ATP8A2: variants seen among roughly 807,000 people sequenced by gnomAD.
The protein encoded by ATP8A2 is phospholipid-transporting ATPase IB.
Under a neutral mutation model 165.6 loss-of-function variants are expected in ATP8A2, and 100 were observed. The ratio of observed to expected loss-of-function variants is 0.60; its 90% confidence interval spans 0.51 to 0.71. The LOEUF is 0.71. ATP8A2 is among the 30% of genes least tolerant of loss of function. The probability of loss-of-function intolerance (pLI) is 0.00; values close to 1 mark genes in which losing one functional copy is unlikely to be tolerated. For synonymous variants in ATP8A2, 543 were observed against 548.8 expected (o/e 0.99, Z 0.15); for missense variants, 1,227 against 1,479.5 (o/e 0.83, Z 2.80).
rs772659534 is a variant in ATP8A2 at position 26,022,233 on chromosome 13, A to G, written c.*2248A>G. The G allele has an allele frequency of 6.6e-6, 1 of 152,248 alleles. No homozygotes were observed. Among genetic ancestry groups the G allele is most frequent in the Non-Finnish European group, 1.5e-5 (1 of 68,040 alleles). 9.4% of individuals were successfully genotyped at this position (152,248 alleles called of 1,614,324 possible). ...ATACAGAGGAGAAACGAAAACTGGAATTGAATGTGCATTAGGCATCTTAAC... is the reference window on the plus strand; with the variant it reads ...ATACAGAGGAGAAACGAAAACTGGAGTTGAATGTGCATTAGGCATCTTAAC... On this transcript the variant is annotated 3_prime_UTR_variant, in exon 37 of 37. Transcript: ENST00000381655.
intron 24 of ATP8A2, among the ~76,000 whole-genome samples, chr13:25,603,245 T>A (rs773250034): frequency 2.0e-5 from 3 of 152,016 alleles, no homozygotes; most frequent in African/African-American, 2.4e-5. Flanking sequence ...CCCAGCAGTT[T>A]GGGAGGCCAG....
intron 13 of ATP8A2, among the ~76,000 whole-genome samples, 181 bp from the exon 14 acceptor site, chr13:25,558,792 G>A (rs950359084): frequency 4.6e-5 from 7 of 152,328 alleles, no homozygotes; most frequent in Non-Finnish European, 8.8e-5. Context: ...AGTTATGGAA[G>A]AAGGTTTGTA....
At chr13:25,522,737 C>G (rs995381936) in intron 2 of ATP8A2, among the ~76,000 whole-genome samples, 4 of 152,162 alleles carry the variant, frequency 2.6e-5, no homozygotes, top group Admixed American at 2.0e-4. Flanking sequence ...GTTGAACCAT[C>G]CTTACATCCC....
intron 2 of ATP8A2, among the ~76,000 whole-genome samples, chr13:25,515,307 A>G (rs1396987351): frequency 6.6e-6 from 1 of 152,244 alleles, no homozygotes; most frequent in African/African-American, 2.4e-5. Flanking sequence ...TCCTTATCAT[A>G]AATCTCTATA....
chr13:25,666,381 T>TTG, intron 24 of ATP8A2, among the ~76,000 whole-genome samples: 1 of 147,038 alleles, frequency 6.8e-6, no homozygotes, highest in Non-Finnish European at 1.5e-5. Context: ...GGCTAATTTT[T>TTG]TGTGTGTGTG....
chr13:25,877,412 A>T (rs953591346), intron 33 of ATP8A2, among the ~76,000 whole-genome samples: 1 of 152,210 alleles, frequency 6.6e-6, no homozygotes, highest in Non-Finnish European at 1.5e-5. Context: ...ATCATGGAAC[A>T]TCTGACTCAT....
In ATP8A2 at chr13:25,699,247, G is replaced by T. The variant is rs6491088; in HGVS notation, c.2286G>T (p.Leu762=). ...TGGGCAAGGAAAATGACGTGGCCCT[G>T]ATCATCGATGGCCACACCCTGAAGT... ...NLLGKENDVA[L]IIDGHTLKYA... is the part of the protein sequence containing the mutation. Residue 762 remains leucine, a synonymous_variant, in exon 25 of 37, where the codon CTG becomes CTT. Coordinates refer to ENST00000381655, the MANE Select transcript of ATP8A2 (RefSeq NM_016529.6). 1.2e-6 allele frequency: 2 copies of T among 1,613,484 alleles called. No homozygotes were observed. The highest frequency in any genetic ancestry group is 3.3e-5 in the Admixed American group (2 of 59,980).
chr13:25,454,513 A>G (rs2035310649), intron 1 of ATP8A2, among the ~76,000 whole-genome samples: 1 of 152,154 alleles, frequency 6.6e-6, no homozygotes. Context: ...TGGCTGTGAC[A>G]GAAACGAGAG....
At chr13:25,577,165 A>G (rs1282098636) in intron 20 of ATP8A2, 27 bp downstream of exon 20, 5 of 1,600,324 alleles carry the variant, frequency 3.1e-6, no homozygotes, top group African/African-American at 2.7e-5. Flanking sequence ...CGTTGTGCGT[A>G]GCGGAGTTCT....
intron 27 of ATP8A2, among the ~76,000 whole-genome samples, chr13:25,815,550 T>C (rs112258383): frequency 0.022 from 3,280 of 152,148 alleles, 109 homozygotes; most frequent in African/African-American, 0.075. Context: ...AGTTACAGAG[T>C]ATGTAGATAA....
At chr13:25,941,198 C>G (rs897970375) in intron 33 of ATP8A2, among the ~76,000 whole-genome samples, 2 of 152,140 alleles carry the variant, frequency 1.3e-5, no homozygotes, top group South Asian at 2.1e-4. Flanking sequence ...CCATCTGGCT[C>G]TTGCTTGACT....
At chr13:25,637,102 A>G (rs2041388927) in intron 24 of ATP8A2, among the ~76,000 whole-genome samples, 1 of 136,988 alleles carries the variant, frequency 7.3e-6, no homozygotes, top group Non-Finnish European at 1.5e-5. Context: ...CAAAAAAAAA[A>G]AAAAAAAAAA....
At position 25,540,235 on chromosome 13, in the gene ATP8A2, C is replaced by T. The variant is rs1286844314; in HGVS notation, c.582-84C>T. 3.0e-6 allele frequency: 3 copies of T among 1,013,552 alleles called. No homozygotes were observed. In the African/African-American group the frequency reaches 4.8e-5, roughly 16 times the overall value. 62.8% of individuals were successfully genotyped at this position (1,013,552 alleles called of 1,614,324 possible). On this transcript the variant is annotated intron_variant, in intron 7 of 36. Coordinates refer to ENST00000381655, the MANE Select transcript of ATP8A2 (RefSeq NM_016529.6). ...ATTTTGAAGGGCCAATCAGCAGACA[C>T]AGATTCCATAATAGAGATTTTCTAA...
At chr13:25,607,547 T>C (rs898034235) in intron 24 of ATP8A2, among the ~76,000 whole-genome samples, 1 of 152,238 alleles carries the variant, frequency 6.6e-6, no homozygotes, top group African/African-American at 2.4e-5. Context: ...CCATCTGTAG[T>C]TGCAACACAA....
At chr13:25,854,537 A>G (rs949451235) in intron 30 of ATP8A2, among the ~76,000 whole-genome samples, 3 of 152,104 alleles carry the variant, frequency 2.0e-5, no homozygotes, top group Non-Finnish European at 2.9e-5. Flanking sequence ...GGCTGGTCTC[A>G]AACTCCTGGG....
intron 10 of ATP8A2, among the ~76,000 whole-genome samples, chr13:25,545,260 T>C (rs1305524868): frequency 2.6e-5 from 4 of 152,090 alleles, no homozygotes; most frequent in Non-Finnish European, 5.9e-5. Flanking sequence ...AGCTCTTGGG[T>C]GGATCAGGAT....
chr13:25,679,874 G>GA (rs2042447809), intron 24 of ATP8A2, among the ~76,000 whole-genome samples: 1 of 151,410 alleles, frequency 6.6e-6, no homozygotes, highest in African/African-American at 2.4e-5. Flanking sequence ...TTGCGGATTA[G>GA]GAAAAATAGG....
chr13:25,587,242 G>A (rs1205600643), intron 23 of ATP8A2, among the ~76,000 whole-genome samples: 1 of 152,120 alleles, frequency 6.6e-6, no homozygotes, highest in Non-Finnish European at 1.5e-5. Context: ...CAATTAACTG[G>A]GTTAAACTTC....
intron 24 of ATP8A2, among the ~76,000 whole-genome samples, chr13:25,613,228 G>T (rs1403657506): frequency 6.6e-6 from 1 of 152,118 alleles, no homozygotes; most frequent in Non-Finnish European, 1.5e-5. Flanking sequence ...TGAGATTCAG[G>T]CTTTAAGGAG....
Sources: allele counts gnomAD v4.1 joint callset (sites outside exome capture counted in the v4.1 genomes callset), GRCh38; gene constraint gnomAD v4.1.1; transcripts MANE v1.5; gene names NCBI Gene and HGNC (gene_info 2026-07-23, HGNC 2026-07-21).